Variants in SUCLG1 observed in about 807,000 individuals in gnomAD.
The protein encoded by SUCLG1 is succinate--CoA ligase [ADP/GDP-forming] subunit alpha, mitochondrial.
Under a neutral mutation model 37.3 loss-of-function variants are expected in SUCLG1, and 26 were observed. The observed-to-expected ratio is 0.70, with a 90% CI of 0.51 to 0.97. SUCLG1 has a LOEUF of 0.97. Among genes scored for constraint, SUCLG1 ranks in the 50% least tolerant of loss-of-function variants. The probability of loss-of-function intolerance (pLI) is 0.00; values close to 1 mark genes in which losing one functional copy is unlikely to be tolerated. For missense variants in SUCLG1, 433 were observed against 432.9 expected (o/e 1.00, Z 0.00); for synonymous variants, 163 against 155.6 (o/e 1.05, Z -0.36).
rs761015078 is a variant in SUCLG1, at chr2:84,440,997, T to C, written c.589+50A>G. ...AAAAATTCTTTGTGAGTTTTGAGGG[T>C]TTAAGGCAAATAACGTTTTAATCTA... is the stretch of plus-strand genomic sequence containing the variant. On this transcript the variant is annotated intron_variant, in intron 5 of 8. Transcript: ENST00000393868. 3 of 1,580,758 alleles carry C rather than the reference T, an allele frequency of 1.9e-6. No homozygotes were observed. In the East Asian group the frequency reaches 6.7e-5, roughly 35 times the overall value.
intron 7 of SUCLG1, chr2:84,427,055 G>A (rs2104238691): frequency 6.5e-6 from 1 of 153,828 alleles, no homozygotes; most frequent in Middle Eastern, 3.4e-3. Context: ...AGTGAGAAGA[G>A]TTGCGTTATT....
chr2:84,433,832 G>A, intron 5 of SUCLG1: 1 of 221,228 alleles, frequency 4.5e-6, no homozygotes, highest in Non-Finnish European at 9.1e-6. Flanking sequence ...CTGGGTATTT[G>A]TCCCCTCCAA....
intron 2 of SUCLG1, among the ~76,000 whole-genome samples, chr2:84,443,851 A>T (rs1672810022): frequency 6.6e-6 from 1 of 152,164 alleles, no homozygotes; most frequent in Non-Finnish European, 1.5e-5. Flanking sequence ...ACAAAAAAAC[A>T]TGTCAACTGG....
Position 84,423,640 on chromosome 2 carries a change from G to A in SUCLG1, c.*106C>T. The A allele has an allele frequency of 8.7e-7, 1 of 1,150,254 alleles. No homozygotes were observed. The highest frequency in any genetic ancestry group is 1.3e-5 in the South Asian group (1 of 75,940). The allele number at this position is 1,150,254 out of a possible 1,614,324, so 71.3% of individuals were successfully genotyped here. On this transcript the variant is annotated 3_prime_UTR_variant, in exon 9 of 9. Transcript: ENST00000393868. Reference sequence around the variant, plus strand: ...GGCTTCCAGTTGTACTGCAAGACCAGTGTCAGGCACATAGGCTGATTAATC... The same window carrying A: ...GGCTTCCAGTTGTACTGCAAGACCAATGTCAGGCACATAGGCTGATTAATC...
chr2:84,423,991 A>G (rs961054805), intron 8 of SUCLG1, among the ~76,000 whole-genome samples: 1 of 152,238 alleles, frequency 6.6e-6, no homozygotes, highest in Non-Finnish European at 1.5e-5. Flanking sequence ...AAACAGATGC[A>G]GAGCTTCAAC....
chr2:84,423,730 GA>G lies in SUCLG1; in HGVS notation c.*15del. ...TACGTGATCCATTCCACAGTTTTAG[GA>G]ATTTTTTTTTTCTTTCATAGCATCT... On this transcript the variant is annotated 3_prime_UTR_variant, in exon 9 of 9. Coordinates refer to ENST00000393868, the MANE Select transcript of SUCLG1 (RefSeq NM_003849.4). The G allele has an allele frequency of 6.3e-7, 1 of 1,597,860 alleles. No individual in the cohort carries two copies. The highest frequency in any genetic ancestry group is 8.6e-7 in the Non-Finnish European group (1 of 1,169,270).
chr2:84,453,554 A>G (rs1194441218), intron 1 of SUCLG1, among the ~76,000 whole-genome samples: 1 of 151,964 alleles, frequency 6.6e-6, no homozygotes, highest in East Asian at 1.9e-4. Context: ...ATCTGGGACT[A>G]TAGGCCCACA....
chr2:84,449,572 G>T, intron 2 of SUCLG1, 77 bp downstream of exon 2: 1 of 971,296 alleles, frequency 1.0e-6, no homozygotes. Flanking sequence ...TTATTTTTGA[G>T]ATATTAAAAA....
At position 84,423,732 on chromosome 2, in the gene SUCLG1, A is replaced by C. The variant is rs749955458; in HGVS notation, c.*14T>G. The C allele has an allele frequency of 4.5e-6, 7 of 1,545,466 alleles. No homozygotes were observed. Among genetic ancestry groups the C allele is most frequent in the Non-Finnish European group, 5.3e-6 (6 of 1,128,646 alleles). On this transcript the variant is annotated 3_prime_UTR_variant, in exon 9 of 9. Coordinates refer to ENST00000393868, the MANE Select transcript of SUCLG1 (RefSeq NM_003849.4). ...CGTGATCCATTCCACAGTTTTAGGAATTTTTTTTTTCTTTCATAGCATCTT... is the reference window on the plus strand; with the variant it reads ...CGTGATCCATTCCACAGTTTTAGGACTTTTTTTTTTCTTTCATAGCATCTT...
In SUCLG1 at chr2:84,441,225, CTT is replaced by C; in HGVS notation, c.531+20_531+21del. On this transcript the variant is annotated intron_variant, in intron 4 of 8. Coordinates refer to ENST00000393868, the MANE Select transcript of SUCLG1 (RefSeq NM_003849.4). ...CTTGTGAGAGGCTTAATCTGAGTTT[CTT>C]TTTGTTTTTTTGCACTCACATTGAT... 1.2e-6 allele frequency: 2 copies of C among 1,614,026 alleles called. No individual in the cohort carries two copies. Among genetic ancestry groups the C allele is most frequent in the Non-Finnish European group, 1.7e-6 (2 of 1,179,972 alleles).
intron 7 of SUCLG1, chr2:84,426,682 C>G (rs527645101): frequency 6.6e-6 from 1 of 151,732 alleles, no homozygotes; most frequent in Non-Finnish European, 1.5e-5. Context: ...AAAAAGATAC[C>G]ATAAACTAAT....
At chr2:84,458,909 T>A (rs1673089512) in intron 1 of SUCLG1, among the ~76,000 whole-genome samples, 1 of 152,104 alleles carries the variant, frequency 6.6e-6, no homozygotes, top group Admixed American at 6.5e-5. Context: ...GCTCCCAAAT[T>A]TGCAGGGCTC....
At chr2:84,445,762 C>T (rs77538935) in intron 2 of SUCLG1, among the ~76,000 whole-genome samples, 2 of 152,172 alleles carry the variant, frequency 1.3e-5, no homozygotes, top group African/African-American at 2.4e-5. Flanking sequence ...CAACTCTTGA[C>T]GGGTTATTGC....
At chr2:84,436,891 G>A (rs192226075) in intron 5 of SUCLG1, among the ~76,000 whole-genome samples, 1 of 152,156 alleles carries the variant, frequency 6.6e-6, no homozygotes, top group Non-Finnish European at 1.5e-5. Flanking sequence ...AGGCACAGAA[G>A]GTAAACATAT....
rs56733272 is a variant in SUCLG1, at chr2:84,449,762, TAAAAA to T, written c.98-15_98-11del. Reference sequence around the variant, plus strand: ...ATTCCATTCTGCGGCACTAAGAGGTTAAAAAAAAAAAAAAAAAAAAAAAAAGACAC... The same window carrying T: ...ATTCCATTCTGCGGCACTAAGAGGTTAAAAAAAAAAAAAAAAAAAAGACAC... On this transcript the variant is annotated splice_polypyrimidine_tract_variant and intron_variant, in intron 1 of 8. Transcript: ENST00000393868. The T allele has an allele frequency of 0.15, 111,325 of 767,600 alleles. 422 individuals carry two copies. Among genetic ancestry groups the T allele is most frequent in the African/African-American group, 0.18 (7,084 of 40,202 alleles). The allele number at this position is 767,600 out of a possible 1,614,324, so 47.5% of individuals were successfully genotyped here.
intron 3 of SUCLG1, among the ~76,000 whole-genome samples, chr2:84,441,701 T>C (rs1672776441): frequency 6.6e-6 from 1 of 152,150 alleles, no homozygotes; most frequent in African/African-American, 2.4e-5. Context: ...TCACTCTCTA[T>C]GGCATGTCAG....
In SUCLG1 at chr2:84,433,426, G is replaced by C. The variant is rs1672639139; in HGVS notation, c.599C>G (p.Ser200Cys). The part of the protein sequence containing the change: ...IHKKGRIGIV[S>C]RSGTLTYEAV... ...TTCATAAGTCAGGGTGCCAGATCTG[G>C]ACACAATGCCTTAACGAAAGAGAAT... The change falls in exon 6 of 9, where the codon TCC becomes TGC. Residue 200 changes from serine (S) to cysteine (C), a missense_variant. By Grantham distance (112) the Ser-to-Cys change is moderately radical. Transcript: ENST00000393868. The C allele has an allele frequency of 1.2e-6, 2 of 1,613,728 alleles. No individual in the cohort carries two copies. Among genetic ancestry groups the C allele is most frequent in the African/African-American group, 1.3e-5 (1 of 75,012 alleles).
chr2:84,453,481 C>T (rs1672972196), intron 1 of SUCLG1, among the ~76,000 whole-genome samples: 1 of 151,684 alleles, frequency 6.6e-6, no homozygotes, highest in Admixed American at 6.6e-5. Flanking sequence ...GTGGCACGAT[C>T]CCGGCTCACT....
chr2:84,441,044 C>G lies in SUCLG1; in HGVS notation c.589+3G>C, dbSNP rs1467278856. ...TCTATAAGAATGTAACAAACAAACT[C>G]ACCAATCCTTCCTTTTTTGTGAATA... On this transcript the variant is annotated splice_donor_region_variant and intron_variant, in intron 5 of 8. Transcript: ENST00000393868. 6.2e-7 allele frequency: 1 copy of G among 1,613,768 alleles called. No homozygotes were observed. The highest frequency in any genetic ancestry group is 1.3e-5 in the African/African-American group (1 of 74,928).
Sources: gnomAD v4.1 joint callset for allele counts (sites outside exome capture counted in the v4.1 genomes callset) on GRCh38, gnomAD v4.1.1 for gene constraint, MANE v1.5 for transcripts, NCBI Gene and HGNC (gene_info 2026-07-23, HGNC 2026-07-21) for gene names.